The following ZFHX3 variants were observed in gnomAD, a reference collection of about 807,000 sequenced individuals.
ZFHX3 encodes zinc finger homeobox 3, also known as zinc finger homeobox protein 3.
ZFHX3 carries 42 observed loss-of-function variants against 279.1 expected under a neutral mutation model. The ratio of observed to expected loss-of-function variants is 0.15; its 90% CI spans 0.12 to 0.19. The LOEUF is 0.19. Among genes scored for constraint, ZFHX3 ranks in the 10% least tolerant of loss-of-function variants. The pLI is 1.00. For missense variants in ZFHX3, 4,981 were observed against 4,754.0 expected (o/e 1.05, Z -1.40); for synonymous variants, 2,293 against 1,957.8 (o/e 1.17, Z -4.52).
intron 7 of ZFHX3, among the ~76,000 whole-genome samples, chr16:73,128,418 A>G (rs1454413207): frequency 6.6e-6 from 1 of 152,226 alleles, no homozygotes; most frequent in Admixed American, 6.5e-5. Context: ...TAATTTTACA[A>G]TCATGAAACC....
intron 2 of ZFHX3, among the ~76,000 whole-genome samples, chr16:73,644,279 C>A (rs2142158847): frequency 6.6e-6 from 1 of 152,280 alleles, no homozygotes; most frequent in Middle Eastern, 3.4e-3. Context: ...CTGCACATCT[C>A]CCTTTGGTTA....
intron 1 of ZFHX3, among the ~76,000 whole-genome samples, chr16:73,017,168 G>C (rs942443168): frequency 2.0e-5 from 3 of 151,638 alleles, no homozygotes; most frequent in Non-Finnish European, 4.4e-5. Flanking sequence ...GGGAGGTTGA[G>C]GCTGCATGGA....
At chr16:73,290,547 G>T (rs143332249) in intron 4 of ZFHX3, among the ~76,000 whole-genome samples, 1 of 152,192 alleles carries the variant, frequency 6.6e-6, no homozygotes, top group Non-Finnish European at 1.5e-5. Context: ...AGCCTAGTAG[G>T]TTTCCAGAAG....
chr16:73,128,218 A>G (rs1376978297), intron 7 of ZFHX3, among the ~76,000 whole-genome samples: 1 of 152,210 alleles, frequency 6.6e-6, no homozygotes, highest in Non-Finnish European at 1.5e-5. Flanking sequence ...ACCAGTTGTT[A>G]CTATTTGGGT....
rs557523763 is a variant in ZFHX3, at chr16:72,795,559, G to A, written c.7123C>T (p.Leu2375=). The A allele has an allele frequency of 1.2e-6, 2 of 1,613,944 alleles. No homozygotes were observed. The highest frequency in any genetic ancestry group is 1.7e-5 in the Admixed American group (1 of 59,992). The change falls in exon 9 of 10, where the codon CTG becomes TTG. Residue 2375 remains leucine (L), a synonymous_variant. Coordinates refer to ENST00000268489, the MANE Select transcript of ZFHX3 (RefSeq NM_006885.4). ...CTGCAGGATGAGCTGGTAGGCGTCAGGATTTCCATGGCATCCATGGAATCC... is the reference window on the plus strand; with the variant it reads ...CTGCAGGATGAGCTGGTAGGCGTCAAGATTTCCATGGCATCCATGGAATCC... ...NEDSMDAMEI[L]TPTSSSCSTP...
intron 2 of ZFHX3, among the ~76,000 whole-genome samples, chr16:73,466,001 A>G (rs1214471893): frequency 6.6e-6 from 1 of 152,122 alleles, no homozygotes; most frequent in African/African-American, 2.4e-5. Context: ...CTCTTCACAA[A>G]GAAAATGTGG....
chr16:73,532,384 C>T (rs981722819), intron 2 of ZFHX3, among the ~76,000 whole-genome samples: 3 of 152,194 alleles, frequency 2.0e-5, no homozygotes, highest in African/African-American at 7.2e-5. Context: ...TTGTCTTCCA[C>T]CACGATTGTG....
At chr16:73,008,594 A>T (rs1963799259) in intron 1 of ZFHX3, among the ~76,000 whole-genome samples, 1 of 152,200 alleles carries the variant, frequency 6.6e-6, no homozygotes, top group Non-Finnish European at 1.5e-5. Context: ...CAACACAAGG[A>T]GAGAGGGAAG....
chr16:73,874,415 AC>A (rs2029889904), intron 1 of ZFHX3, among the ~76,000 whole-genome samples: 1 of 152,268 alleles, frequency 6.6e-6, no homozygotes, highest in African/African-American at 2.4e-5. Flanking sequence ...TATATCATAC[AC>A]CCCAAGTCTG....
At chr16:73,388,208 T>C (rs1224729708) in intron 3 of ZFHX3, among the ~76,000 whole-genome samples, 1 of 152,154 alleles carries the variant, frequency 6.6e-6, no homozygotes, top group Non-Finnish European at 1.5e-5. Flanking sequence ...ACAGGTCTTC[T>C]TGGATGCTTG....
At chr16:72,858,474 G>A (rs1027333420) in intron 4 of ZFHX3, among the ~76,000 whole-genome samples, 12 of 152,200 alleles carry the variant, frequency 7.9e-5, no homozygotes, top group Non-Finnish European at 1.8e-4. Flanking sequence ...AATAAAGAGA[G>A]AGTCGACTGC....
chr16:72,865,878 C>T (rs895418263), intron 4 of ZFHX3, among the ~76,000 whole-genome samples: 1 of 152,048 alleles, frequency 6.6e-6, no homozygotes, highest in Non-Finnish European at 1.5e-5. Flanking sequence ...TGGAGTAGGG[C>T]TCCCCTTGCC....
chr16:73,614,379 GCTT>G (rs1210332248), intron 2 of ZFHX3, among the ~76,000 whole-genome samples: 1 of 152,186 alleles, frequency 6.6e-6, no homozygotes, highest in Non-Finnish European at 1.5e-5. Context: ...CTGAAATAGA[GCTT>G]CTTATTTTGA....
At chr16:72,980,736 A>G (rs1962559676) in intron 1 of ZFHX3, among the ~76,000 whole-genome samples, 1 of 152,222 alleles carries the variant, frequency 6.6e-6, no homozygotes. Context: ...CTTGGGCCAC[A>G]GAGTGAGACC....
chr16:73,161,437 A>T (rs1165361003), intron 5 of ZFHX3, among the ~76,000 whole-genome samples: 1 of 152,182 alleles, frequency 6.6e-6, no homozygotes, highest in East Asian at 1.9e-4. Context: ...CTCATTTATC[A>T]TACTGTCTTC....
chr16:72,995,581 T>C (rs146263438), intron 1 of ZFHX3, among the ~76,000 whole-genome samples: 2 of 152,248 alleles, frequency 1.3e-5, no homozygotes, highest in Non-Finnish European at 2.9e-5. Flanking sequence ...ATTCCCCTAA[T>C]ATGAAACACA....
At chr16:73,152,899 G>C (rs1337850496) in intron 5 of ZFHX3, among the ~76,000 whole-genome samples, 4 of 152,074 alleles carry the variant, frequency 2.6e-5, no homozygotes, top group African/African-American at 9.7e-5. Flanking sequence ...AATCGCTGCA[G>C]CTCTGGAGAT....
In ZFHX3 at chr16:73,308,121, T is replaced by C. The variant is rs2015224951; in HGVS notation, c.-1194+10119A>G. Among the ~76,000 whole-genome samples, 3 of 151,756 alleles carry C rather than the reference T, an allele frequency of 2.0e-5. No homozygotes were observed. In the South Asian group the frequency reaches 6.3e-4, roughly 32 times the overall value. On this transcript the variant is annotated intron_variant, in intron 4 of 17. Coordinates refer to the ZFHX3 transcript ENST00000641206. ...ATTTGATTTCTGTAGAAAATACTTGTCGGAGAGATAAGTAATAAAAAATCT... is the reference window on the plus strand; with the variant it reads ...ATTTGATTTCTGTAGAAAATACTTGCCGGAGAGATAAGTAATAAAAAATCT...
chr16:73,315,916 C>T (rs900718393), intron 4 of ZFHX3, among the ~76,000 whole-genome samples: 4 of 152,168 alleles, frequency 2.6e-5, no homozygotes. Context: ...CTAAAGTAGG[C>T]AATGCTCAGC....
Sources: allele counts gnomAD v4.1 joint callset (sites outside exome capture counted in the v4.1 genomes callset), GRCh38; gene constraint gnomAD v4.1.1; transcripts MANE v1.5; gene names NCBI Gene and HGNC (gene_info 2026-07-23, HGNC 2026-07-21).